The following KANSL1 variants were observed in gnomAD, a reference collection of about 807,000 sequenced individuals.
KANSL1 encodes the protein KAT8 regulatory NSL complex subunit 1.
A neutral mutation model predicts 103.6 loss-of-function variants in KANSL1; 22 were observed. That is an observed-to-expected ratio of 0.21 (90% CI 0.15 to 0.30). The LOEUF (loss-of-function observed/expected upper bound fraction) is 0.30. Among genes scored for constraint, KANSL1 ranks in the 10% least tolerant of loss-of-function variants. The probability of loss-of-function intolerance (pLI) is 1.00; values close to 1 mark genes in which losing one functional copy is unlikely to be tolerated. For synonymous variants in KANSL1, 600 were observed against 527.6 expected (o/e 1.14, Z -1.88); for missense variants, 1,337 against 1,399.8 (o/e 0.96, Z 0.72).
intron 2 of KANSL1, among the ~76,000 whole-genome samples, chr17:46,112,283 G>A (rs571783355): frequency 2.1e-5 from 3 of 144,846 alleles, no homozygotes; most frequent in East Asian, 2.2e-4. Flanking sequence ...TAAGAAAATC[G>A]CTTGAACCCA....
At chr17:46,141,926 G>A (rs937289612) in intron 2 of KANSL1, among the ~76,000 whole-genome samples, 10 of 152,002 alleles carry the variant, frequency 6.6e-5, no homozygotes, top group Middle Eastern at 3.2e-3. Flanking sequence ...CTCACTCTGC[G>A]TGCCCAGGCT....
intron 13 of KANSL1, 93 bp downstream of exon 13, chr17:46,032,987 G>C: frequency 2.1e-6 from 2 of 931,140 alleles, no homozygotes; most frequent in South Asian, 1.7e-5. Context: ...GAGCAACCAA[G>C]AGGCAGTAGC....
At chr17:46,127,649 A>T (rs2043639156) in intron 2 of KANSL1, among the ~76,000 whole-genome samples, 2 of 151,928 alleles carry the variant, frequency 1.3e-5, no homozygotes, top group African/African-American at 4.8e-5. Context: ...GTGGTGGCAC[A>T]CTCCTGTAGT....
At chr17:46,188,818 G>T (rs1489542136) in intron 1 of KANSL1, among the ~76,000 whole-genome samples, 5 of 151,888 alleles carry the variant, frequency 3.3e-5, no homozygotes, top group African/African-American at 1.2e-4. Flanking sequence ...ATCACCTGAG[G>T]TCCGGAGTTC....
intron 2 of KANSL1, among the ~76,000 whole-genome samples, chr17:46,095,817 C>G (rs1019369648): frequency 1.1e-4 from 16 of 151,866 alleles, no homozygotes; most frequent in African/African-American, 3.9e-4. Flanking sequence ...ACAGAACTCT[C>G]AGAAATAGGA....
rs1179189919 is a variant in KANSL1 at position 46,030,290 on chromosome 17, A to G, written c.*1186T>C. 1 of 152,380 alleles carries G rather than the reference A, an allele frequency of 6.6e-6. No homozygotes were observed. The highest frequency in any genetic ancestry group is 1.5e-5 in the Non-Finnish European group (1 of 68,014). The allele number at this position is 152,380 out of a possible 1,614,324, so 9.4% of individuals were successfully genotyped here. Reference sequence around the variant, plus strand: ...AACCCTTTAACTTGCAAACAGAAAAAAAAATCACTAATGTTGAAAATTGTG... The same window carrying G: ...AACCCTTTAACTTGCAAACAGAAAAGAAAATCACTAATGTTGAAAATTGTG... On this transcript the variant is annotated 3_prime_UTR_variant, in exon 15 of 15. Transcript: ENST00000432791.
At chr17:46,118,652 T>G (rs1483807842) in intron 2 of KANSL1, among the ~76,000 whole-genome samples, 1 of 152,208 alleles carries the variant, frequency 6.6e-6, no homozygotes, top group Non-Finnish European at 1.5e-5. Flanking sequence ...TGATGAACTT[T>G]CCTTGCTGAA....
chr17:46,162,022 A>G (rs1308446241), intron 2 of KANSL1, among the ~76,000 whole-genome samples: 1 of 152,258 alleles, frequency 6.6e-6, no homozygotes, highest in Non-Finnish European at 1.5e-5. Context: ...TATAAAATCA[A>G]ACAGGACACA....
intron 2 of KANSL1, among the ~76,000 whole-genome samples, chr17:46,162,097 T>C (rs1402683654): frequency 2.0e-5 from 3 of 152,272 alleles, no homozygotes; most frequent in Non-Finnish European, 4.4e-5. Context: ...GTTTACTATA[T>C]ACTAAACCCC....
At chr17:46,110,421 A>T (rs191503860) in intron 2 of KANSL1, among the ~76,000 whole-genome samples, 48 of 152,304 alleles carry the variant, frequency 3.2e-4, no homozygotes, top group African/African-American at 1.1e-3. Context: ...GGGTATTATG[A>T]TCATCACTGC....
rs1223401876 is a variant in KANSL1 at position 46,146,694 on chromosome 17, G to A, written c.1289+24161C>T. On this transcript the variant is annotated intron_variant, in intron 2 of 14. Coordinates refer to ENST00000432791, the MANE Select transcript of KANSL1 (RefSeq NM_015443.4). ...TAAAAATACAAAAAATTAGCCGGGC[G>A]TAGTGGCGGGCGCCTGTAGTCCCAG... Among the ~76,000 whole-genome samples, 5 of 144,088 alleles carry A rather than the reference G, an allele frequency of 3.5e-5. 1 individual carries two copies. The highest frequency in any genetic ancestry group is 6.3e-5 in the Non-Finnish European group (4 of 63,084). 94.5% of individuals were successfully genotyped at this position (144,088 alleles called of 152,430 possible).
intron 2 of KANSL1, among the ~76,000 whole-genome samples, chr17:46,161,655 C>A (rs569014536): frequency 2.0e-5 from 3 of 152,220 alleles, no homozygotes; most frequent in Non-Finnish European, 4.4e-5. Context: ...GTATTCAATT[C>A]CCTGGCACAT....
chr17:46,089,117 G>C (rs1275028582), intron 3 of KANSL1, among the ~76,000 whole-genome samples: 1 of 152,180 alleles, frequency 6.6e-6, no homozygotes, highest in Non-Finnish European at 1.5e-5. Context: ...CCTTTAATTA[G>C]TATACACTCA....
intron 6 of KANSL1, among the ~76,000 whole-genome samples, chr17:46,054,199 T>G (rs2077832729): frequency 6.6e-6 from 1 of 152,154 alleles, no homozygotes; most frequent in Admixed American, 6.5e-5. Context: ...ATTGCAGGCA[T>G]GCACCACCAC....
chr17:46,170,180 A>AC (rs1272236928), intron 2 of KANSL1: 1 of 152,302 alleles, frequency 6.6e-6, no homozygotes, highest in Non-Finnish European at 1.5e-5. Context: ...AACAAAAAAA[A>AC]CAACCCAGTA....
At chr17:46,080,103 A>AT (rs1384271067) in intron 4 of KANSL1, among the ~76,000 whole-genome samples, 1 of 152,126 alleles carries the variant, frequency 6.6e-6, no homozygotes, top group African/African-American at 2.4e-5. Flanking sequence ...AAAGACGCTG[A>AT]TTTTTTTGTT....
chr17:46,223,518 T>C (rs2048594301), intron 1 of KANSL1: 2 of 146,558 alleles, frequency 1.4e-5, no homozygotes, highest in Non-Finnish European at 3.1e-5. Flanking sequence ...CAAAGTAAAA[T>C]ATAGCCAATC....
intron 2 of KANSL1, among the ~76,000 whole-genome samples, chr17:46,106,423 C>T (rs367715448): frequency 1.3e-5 from 2 of 152,184 alleles, no homozygotes; most frequent in Non-Finnish European, 2.9e-5. Context: ...GATGGAGTCT[C>T]GCTCTTTCGC....
chr17:46,201,072 C>T (rs370257488), intron 1 of KANSL1, among the ~76,000 whole-genome samples: 4 of 152,100 alleles, frequency 2.6e-5, no homozygotes, highest in Non-Finnish European at 4.4e-5. Context: ...CCACCATGCC[C>T]GGCTAATCTT....
Sources: gnomAD v4.1 joint callset for allele counts (sites outside exome capture counted in the v4.1 genomes callset) on GRCh38, gnomAD v4.1.1 for gene constraint, MANE v1.5 for transcripts, NCBI Gene and HGNC (gene_info 2026-07-23, HGNC 2026-07-21) for gene names.